The following MCTP1 variants were observed in gnomAD, a reference collection of about 807,000 sequenced individuals.
The protein encoded by MCTP1 is multiple C2 and transmembrane domain containing 1.
Under a neutral mutation model 120.6 loss-of-function variants are expected in MCTP1, and 69 were observed. The ratio of observed to expected loss-of-function variants is 0.57; its 90% CI spans 0.47 to 0.70. The LOEUF (loss-of-function observed/expected upper bound fraction) is 0.70. MCTP1 is among the 30% of genes least tolerant of loss of function. The pLI is 0.00. For synonymous variants in MCTP1, 529 were observed against 493.1 expected, an observed-to-expected ratio of 1.07 and a Z score of -0.96; for missense variants, 1,203 against 1,248.8, an observed-to-expected ratio of 0.96 and a Z score of 0.55.
chr5:95,245,391 G>A (rs1052101590), intron 1 of MCTP1, among the ~76,000 whole-genome samples: 8 of 152,244 alleles, frequency 5.3e-5, no homozygotes, highest in African/African-American at 1.4e-4. Flanking sequence ...AGCTAAAGGC[G>A]CATGTTCTAA....
intron 3 of MCTP1, among the ~76,000 whole-genome samples, chr5:94,949,712 A>G (rs1191507786): frequency 6.6e-6 from 1 of 152,110 alleles, no homozygotes; most frequent in Admixed American, 6.6e-5. Context: ...TTTTTCCTGT[A>G]ATTATAGATA....
intron 17 of MCTP1, among the ~76,000 whole-genome samples, chr5:94,843,163 A>C (rs986351578): frequency 2.8e-4 from 43 of 152,068 alleles, no homozygotes; most frequent in Middle Eastern, 3.4e-3. Context: ...TTTGCTATAC[A>C]TACAAAGCCC....
intron 19 of MCTP1, among the ~76,000 whole-genome samples, chr5:94,774,320 G>C: frequency 6.8e-6 from 1 of 147,786 alleles, no homozygotes; most frequent in East Asian, 2.0e-4. Flanking sequence ...GATTATCTTT[G>C]ATGGGCCTGG....
chr5:94,931,102 AT>A (rs1222383198), intron 6 of MCTP1: 4 of 152,144 alleles, frequency 2.6e-5, no homozygotes, highest in Non-Finnish European at 5.9e-5. Context: ...ATATAAAAAC[AT>A]TTTGATATAT....
intron 1 of MCTP1, among the ~76,000 whole-genome samples, chr5:95,145,954 G>A (rs1429671872): frequency 6.6e-6 from 1 of 152,162 alleles, no homozygotes; most frequent in East Asian, 1.9e-4. Context: ...AATGGTTTCA[G>A]TGAGATTGGT....
At chr5:94,780,374 C>T (rs985621538) in intron 18 of MCTP1, among the ~76,000 whole-genome samples, 14 of 151,838 alleles carry the variant, frequency 9.2e-5, no homozygotes, top group African/African-American at 2.4e-4. Context: ...ATCAGAACTC[C>T]GTTATTCCTA....
chr5:95,106,076 A>G (rs1757058151), intron 1 of MCTP1, among the ~76,000 whole-genome samples: 1 of 152,122 alleles, frequency 6.6e-6, no homozygotes, highest in African/African-American at 2.4e-5. Flanking sequence ...GCCATTCCTT[A>G]TTTTGTAACA....
chr5:94,918,095 T>G (rs977118891), intron 7 of MCTP1, 122 bp from the exon 8 acceptor site: 1 of 698,476 alleles, frequency 1.4e-6, no homozygotes, highest in East Asian at 2.7e-5. Flanking sequence ...TTGTATTTGC[T>G]TCTCAAGTCA....
At chr5:94,819,118 TATTC>T (rs140930016) in intron 17 of MCTP1, among the ~76,000 whole-genome samples, 2 of 140,636 alleles carry the variant, frequency 1.4e-5, no homozygotes, top group African/African-American at 5.3e-5. Context: ...TTTATTTATT[TATTC>T]ATTCATTCAT....
chr5:95,061,421 T>G (rs1488569354), intron 1 of MCTP1, among the ~76,000 whole-genome samples: 343 of 25,388 alleles, frequency 0.014, 58 homozygotes, highest in Admixed American at 0.018. Context: ...TTTTTTTTTT[T>G]TTTTTTTTTT....
chr5:94,886,097 G>A (rs1361254427), intron 12 of MCTP1, among the ~76,000 whole-genome samples: 1 of 152,182 alleles, frequency 6.6e-6, no homozygotes, highest in African/African-American at 2.4e-5. Context: ...CTTAACTGAA[G>A]TGACCTACTG....
chr5:94,837,960 A>T (rs1790194383), intron 17 of MCTP1, among the ~76,000 whole-genome samples: 1 of 152,226 alleles, frequency 6.6e-6, no homozygotes, highest in Non-Finnish European at 1.5e-5. Flanking sequence ...ATTACTTCAC[A>T]TACCACTATT....
intron 22 of MCTP1, 150 bp from the exon 23 acceptor site, chr5:94,707,717 T>C (rs188368929): frequency 1.3e-5 from 8 of 638,172 alleles, no homozygotes; most frequent in African/African-American, 7.4e-5. Context: ...CAGAAAGCAA[T>C]AGAATGACAG....
intron 1 of MCTP1, among the ~76,000 whole-genome samples, chr5:95,221,480 T>TC (rs1001819928): frequency 5.9e-5 from 9 of 152,294 alleles, no homozygotes; most frequent in African/African-American, 1.7e-4. Context: ...TTTGAGTTTG[T>TC]CCTCTACTTC....
chr5:94,801,580 G>A (rs1781244217), intron 17 of MCTP1, among the ~76,000 whole-genome samples: 2 of 152,152 alleles, frequency 1.3e-5, no homozygotes, highest in African/African-American at 4.8e-5. Context: ...ATTTGACTTA[G>A]TGTGTTCTGG....
At chr5:95,103,750 C>G (rs1756905462) in intron 1 of MCTP1, among the ~76,000 whole-genome samples, 1 of 152,178 alleles carries the variant, frequency 6.6e-6, no homozygotes, top group African/African-American at 2.4e-5. Context: ...CAGGTGCTCT[C>G]AAACAGTTTC....
At chr5:94,803,945 G>A (rs139864436) in intron 17 of MCTP1, among the ~76,000 whole-genome samples, 157 of 152,156 alleles carry the variant, frequency 1.0e-3, no homozygotes, top group Non-Finnish European at 1.9e-3. Flanking sequence ...GAAAACAGAG[G>A]CTTAAAAAAA....
chr5:94,786,601 A>G (rs1777761283), intron 18 of MCTP1, among the ~76,000 whole-genome samples: 1 of 152,180 alleles, frequency 6.6e-6, no homozygotes, highest in Non-Finnish European at 1.5e-5. Context: ...TTCCCACAAT[A>G]TAACACAGAA....
At chr5:94,836,950 T>G (rs1205401661) in intron 17 of MCTP1, among the ~76,000 whole-genome samples, 1 of 152,198 alleles carries the variant, frequency 6.6e-6, no homozygotes, top group Non-Finnish European at 1.5e-5. Context: ...TTGTTTGTTT[T>G]TTTCCCTTCC....
Sources: gnomAD v4.1 joint callset for allele counts (sites outside exome capture counted in the v4.1 genomes callset) on GRCh38, gnomAD v4.1.1 for gene constraint, MANE v1.5 for transcripts, NCBI Gene and HGNC (gene_info 2026-07-23, HGNC 2026-07-21) for gene names.